CNTNAP5: variants seen among roughly 807,000 people sequenced by gnomAD.
The protein encoded by CNTNAP5 is contactin associated protein family member 5.
A neutral mutation model predicts 150.2 loss-of-function variants in CNTNAP5; 72 were observed. That is an observed-to-expected ratio of 0.48 (90% CI 0.40 to 0.58). CNTNAP5 has a LOEUF of 0.58. CNTNAP5 is among the 20% of genes least tolerant of loss of function. The pLI is 0.00. For missense variants in CNTNAP5, 1,636 were observed against 1,626.2 expected (o/e 1.01, Z -0.10); for synonymous variants, 672 against 619.8 (o/e 1.08, Z -1.25).
intron 4 of CNTNAP5, among the ~76,000 whole-genome samples, chr2:124,433,912 A>G (rs531274451): frequency 6.6e-6 from 1 of 152,380 alleles, no homozygotes; most frequent in South Asian, 2.1e-4. Flanking sequence ...TCACCAGCAC[A>G]GATAAGGCAG....
At chr2:124,608,451 G>A (rs999301949) in intron 11 of CNTNAP5, among the ~76,000 whole-genome samples, 22 of 152,268 alleles carry the variant, frequency 1.4e-4, no homozygotes, top group Admixed American at 5.2e-4. Flanking sequence ...TGAGCATGCA[G>A]ACTTTTGTGG....
chr2:124,306,916 C>A (rs1453456141), intron 3 of CNTNAP5, among the ~76,000 whole-genome samples: 2 of 151,478 alleles, frequency 1.3e-5, no homozygotes, highest in Non-Finnish European at 2.9e-5. Flanking sequence ...TTAGTAGAGA[C>A]GGGGTTTCAC....
At chr2:124,280,732 C>T (rs1687992255) in intron 3 of CNTNAP5, among the ~76,000 whole-genome samples, 1 of 151,986 alleles carries the variant, frequency 6.6e-6, no homozygotes, top group Non-Finnish European at 1.5e-5. Context: ...AGACACTTCT[C>T]TTATCCCATC....
intron 3 of CNTNAP5, among the ~76,000 whole-genome samples, chr2:124,312,943 A>G (rs1351842025): frequency 2.6e-5 from 4 of 152,050 alleles, no homozygotes; most frequent in African/African-American, 9.7e-5. Flanking sequence ...GACCTCAGGT[A>G]ATCTGCCCGC....
At chr2:124,401,984 T>C (rs953099624) in intron 3 of CNTNAP5, among the ~76,000 whole-genome samples, 4 of 152,180 alleles carry the variant, frequency 2.6e-5, no homozygotes, top group Non-Finnish European at 5.9e-5. Context: ...GCTGACAAGT[T>C]CTATTATATC....
chr2:124,552,677 G>A (rs1226778760), intron 10 of CNTNAP5, among the ~76,000 whole-genome samples: 1 of 152,052 alleles, frequency 6.6e-6, no homozygotes, highest in African/African-American at 2.4e-5. Flanking sequence ...ATATGTGTGT[G>A]TATTTATGTA....
chr2:124,749,761 T>C (rs1439921919), intron 14 of CNTNAP5, among the ~76,000 whole-genome samples: 1 of 152,182 alleles, frequency 6.6e-6, no homozygotes, highest in Non-Finnish European at 1.5e-5. Context: ...GCTCACTGTT[T>C]CTTTTCCTTT....
chr2:124,183,350 T>C (rs1685253598), intron 1 of CNTNAP5, among the ~76,000 whole-genome samples: 1 of 152,220 alleles, frequency 6.6e-6, no homozygotes, highest in African/African-American at 2.4e-5. Context: ...TATGGTAATC[T>C]TAAAAACCTT....
chr2:124,228,494 T>C (rs1686525336), intron 2 of CNTNAP5, among the ~76,000 whole-genome samples: 1 of 152,200 alleles, frequency 6.6e-6, no homozygotes, highest in African/African-American at 2.4e-5. Flanking sequence ...TTGGGGGTTA[T>C]ACCTTCTCTA....
intron 12 of CNTNAP5, among the ~76,000 whole-genome samples, chr2:124,620,055 A>G (rs1448560397): frequency 1.3e-5 from 2 of 151,306 alleles, no homozygotes; most frequent in Non-Finnish European, 2.9e-5. Flanking sequence ...TCTGCTCATG[A>G]CATTAATCAC....
intron 3 of CNTNAP5, among the ~76,000 whole-genome samples, chr2:124,403,749 A>C (rs1273777011): frequency 6.6e-6 from 1 of 152,202 alleles, no homozygotes; most frequent in Non-Finnish European, 1.5e-5. Flanking sequence ...GCTAATAAAG[A>C]CATACCCGAG....
intron 3 of CNTNAP5, among the ~76,000 whole-genome samples, chr2:124,399,832 C>T (rs545804658): frequency 1.3e-5 from 2 of 152,200 alleles, no homozygotes; most frequent in South Asian, 2.1e-4. Flanking sequence ...CTTGGTGAAC[C>T]TTGAACACTG....
intron 11 of CNTNAP5, among the ~76,000 whole-genome samples, chr2:124,607,615 G>C (rs946623720): frequency 5.3e-5 from 8 of 152,180 alleles, no homozygotes; most frequent in African/African-American, 1.9e-4. Context: ...GCCTAGCACA[G>C]GTGGGGTAGC....
intron 1 of CNTNAP5, among the ~76,000 whole-genome samples, chr2:124,081,716 G>C (rs935593288): frequency 9.2e-5 from 14 of 152,170 alleles, no homozygotes; most frequent in African/African-American, 2.9e-4. Context: ...TTTTTTACAA[G>C]GAGGACTAGC....
At chr2:124,191,331 G>A (rs917974811) in intron 1 of CNTNAP5, among the ~76,000 whole-genome samples, 43 of 152,174 alleles carry the variant, frequency 2.8e-4, no homozygotes, top group Non-Finnish European at 2.5e-4. Context: ...ATTTCAGGGT[G>A]TACTAACCCC....
intron 13 of CNTNAP5, among the ~76,000 whole-genome samples, chr2:124,692,404 G>T (rs992150396): frequency 6.6e-6 from 1 of 152,068 alleles, no homozygotes; most frequent in African/African-American, 2.4e-5. Flanking sequence ...CATATGGCTT[G>T]CAAAGCTTAA....
chr2:124,417,518 C>T lies in CNTNAP5; in HGVS notation c.457C>T (p.Arg153Cys). ...LLHSVRARFV[R>C]FVPLEWNPSG... ...GCACTCAGTGAGAGCCCGATTTGTT[C>T]GCTTTGTGCCCCTGGAATGGAATCC... The change falls in exon 4 of 24, where the codon CGC (arginine) becomes TGC (cysteine). Residue 153 changes from arginine to cysteine, a missense_variant. Physicochemically the swap from Arg to Cys is radical, Grantham distance 180. Transcript: ENST00000682447. 5 of 1,613,818 alleles carry T rather than the reference C, an allele frequency of 3.1e-6. No individual in the cohort carries two copies. The highest frequency in any genetic ancestry group is 4.2e-6 in the Non-Finnish European group (5 of 1,179,822).
chr2:124,417,307 C>T (rs956342380), intron 3 of CNTNAP5, 136 bp from the exon 4 acceptor site: 42 of 852,780 alleles, frequency 4.9e-5, no homozygotes, highest in Admixed American at 8.4e-5. Context: ...AGGATTTTCA[C>T]CCAAGTCATA....
intron 13 of CNTNAP5, among the ~76,000 whole-genome samples, chr2:124,668,676 T>C (rs1678749080): frequency 6.6e-6 from 1 of 152,168 alleles, no homozygotes; most frequent in Admixed American, 6.5e-5. Context: ...TTTAATGTGT[T>C]ATAAAAAGGT....
Sources: gnomAD v4.1 joint callset for allele counts (sites outside exome capture counted in the v4.1 genomes callset) on GRCh38, gnomAD v4.1.1 for gene constraint, MANE v1.5 for transcripts, NCBI Gene and HGNC (gene_info 2026-07-23, HGNC 2026-07-21) for gene names.